Variants in ZNF786 observed in about 807,000 individuals in gnomAD.
ZNF786 encodes zinc finger protein 786.
A neutral mutation model predicts 63.1 loss-of-function variants in ZNF786; 56 were observed. The observed-to-expected ratio is 0.89, with a 90% CI of 0.72 to 1.11. The LOEUF (loss-of-function observed/expected upper bound fraction) is 1.11. Among genes scored for constraint, ZNF786 ranks in the 50% least tolerant of loss-of-function variants. ZNF786 has a pLI of 0.00. For synonymous variants in ZNF786, 485 were observed against 406.9 expected (o/e 1.19, Z -2.31); for missense variants, 1,213 against 1,041.8 (o/e 1.16, Z -2.26).
Position 149,071,235 on chromosome 7 carries a change from C to T in ZNF786, c.1537G>A (p.Glu513Lys), listed in dbSNP as rs781128838. Reference protein sequence around the residue: ...HGGERPFSCSECGRGFTHQCK... With the variant: ...HGGERPFSCSKCGRGFTHQCK... ...TGGTGGGTGAAGCCTCTGCCACACT[C>T]GCTACAGGAGAACGGCCTCTCCCCA... Residue 513 changes from glutamate (E) to lysine (K), a missense_variant, in exon 4 of 4, where the codon GAG becomes AAG. Glu to Lys is a moderately conservative substitution (Grantham distance 56). Transcript: ENST00000491431. 1.2e-5 allele frequency: 20 copies of T among 1,612,068 alleles called. No homozygotes were observed. The highest frequency in any genetic ancestry group is 6.7e-5 in the Admixed American group (4 of 60,020).
rs757197778 is a variant in ZNF786 at position 149,071,940 on chromosome 7, G to A, written c.832C>T (p.Arg278Ter). 7 of 1,610,672 alleles carry A rather than the reference G, an allele frequency of 4.3e-6. No individual in the cohort carries two copies. The highest frequency in any genetic ancestry group is 3.3e-5 in the Admixed American group (2 of 59,992). The part of the protein sequence containing the change: ...FRNADGEMCF[R>*]HELTHPSHRL... Reference sequence around the variant, plus strand: ...TGGCTGGGATGGGTCAGCTCGTGTCGGAAGCACATTTCACCGTCAGCGTTC... The same window carrying A: ...TGGCTGGGATGGGTCAGCTCGTGTCAGAAGCACATTTCACCGTCAGCGTTC... Residue 278 changes from arginine to a stop codon, truncating the protein, a stop_gained, in exon 4 of 4, where the codon CGA (arginine) becomes TGA (stop). Transcript: ENST00000491431. LOFTEE classifies it high-confidence loss of function.
chr7:149,075,431 T>C (rs950398422), intron 2 of ZNF786, among the ~76,000 whole-genome samples: 5 of 151,172 alleles, frequency 3.3e-5, no homozygotes, highest in African/African-American at 1.2e-4. Flanking sequence ...GTTTCTGAAA[T>C]GGGGTCTCAC....
chr7:149,076,274 C>G (rs1042222856), intron 2 of ZNF786, among the ~76,000 whole-genome samples: 1 of 151,670 alleles, frequency 6.6e-6, no homozygotes, highest in African/African-American at 2.4e-5. Context: ...GCCACCATAC[C>G]TGGCTAATTT....
intron 2 of ZNF786, among the ~76,000 whole-genome samples, chr7:149,078,916 A>G (rs1825608196): frequency 6.6e-6 from 1 of 152,234 alleles, no homozygotes; most frequent in Admixed American, 6.5e-5. Flanking sequence ...CACAAAAACT[A>G]TCAAAAACTG....
chr7:149,079,838 G>A (rs1178392444), intron 2 of ZNF786, among the ~76,000 whole-genome samples: 1 of 148,920 alleles, frequency 6.7e-6, no homozygotes, highest in East Asian at 2.1e-4. Context: ...CAAAGTCCTG[G>A]GATTACAGGC....
At position 149,071,616 on chromosome 7, in the gene ZNF786, T is replaced by C. The variant is rs1825419065; in HGVS notation, c.1156A>G (p.Ser386Gly). 1.3e-6 allele frequency: 2 copies of C among 1,589,520 alleles called. No individual in the cohort carries two copies. The highest frequency in any genetic ancestry group is 2.3e-5 in the East Asian group (1 of 43,862). Residue 386 changes from serine to glycine, a missense_variant, in exon 4 of 4, where the codon AGC becomes GGC. Ser to Gly is a moderately conservative substitution (Grantham distance 56). Coordinates refer to ENST00000491431, the MANE Select transcript of ZNF786 (RefSeq NM_152411.4). ...ERSPMSARLA[S>G]PCRAHTGEKP... Reference sequence around the variant, plus strand: ...TCTCCAGTATGCGCCCTGCAGGGGCTGGCGAGCCTGGCGCTCATAGGGGAG... The same window carrying C: ...TCTCCAGTATGCGCCCTGCAGGGGCCGGCGAGCCTGGCGCTCATAGGGGAG...
chr7:149,072,642 T>C (rs939577973), intron 3 of ZNF786, among the ~76,000 whole-genome samples, 169 bp from the exon 4 acceptor site: 1 of 152,036 alleles, frequency 6.6e-6, no homozygotes, highest in Non-Finnish European at 1.5e-5. Flanking sequence ...GTTTGGTGAG[T>C]CTGCTGAAAC....
Position 149,070,582 on chromosome 7 carries a change from C to A in ZNF786, c.2190G>T (p.Arg730Ser), listed in dbSNP as rs1357863636. The A allele has an allele frequency of 6.8e-6, 11 of 1,614,034 alleles. No homozygotes were observed. Among genetic ancestry groups the A allele is most frequent in the Non-Finnish European group, 9.3e-6 (11 of 1,179,906 alleles). Residue 730 changes from arginine to serine, a missense_variant, in exon 4 of 4, where the codon AGG (arginine) becomes AGT (serine). Physicochemically the swap from Arg to Ser is moderately radical, Grantham distance 110. Coordinates refer to ENST00000491431, the MANE Select transcript of ZNF786 (RefSeq NM_152411.4). The part of the protein sequence containing the change: ...LRHQRIHRPE[R>S]PFACGDCGKG... ...TCCCACAATCGCCACAGGCAAAGGG[C>A]CTCTCGGGCCTGTGGATGCGCTGGT...
intron 1 of ZNF786, among the ~76,000 whole-genome samples, chr7:149,085,675 TGCTTTGGG>T (rs1434651750): frequency 0.011 from 1,635 of 152,330 alleles, 28 homozygotes; most frequent in African/African-American, 0.038. Flanking sequence ...ATCTGGAAAC[TGCTTTGGG>T]CAGTATGGCC....
At chr7:149,072,596 C>T (rs1442394367) in intron 3 of ZNF786, 123 bp from the exon 4 acceptor site, 20 of 1,105,240 alleles carry the variant, frequency 1.8e-5, no homozygotes, top group Admixed American at 2.9e-5. Flanking sequence ...CACTGAGCTA[C>T]CCAACCATGC....
chr7:149,078,407 A>T (rs1585465963), intron 2 of ZNF786, among the ~76,000 whole-genome samples: 1 of 152,266 alleles, frequency 6.6e-6, no homozygotes, highest in Non-Finnish European at 1.5e-5. Context: ...ATGGTAGGCC[A>T]GGCACGGTGG....
Position 149,072,166 on chromosome 7 carries a change from T to G in ZNF786, c.606A>C (p.Leu202Phe), listed in dbSNP as rs377205267. ...CGESCWENNH[L>F]VMHQRGHSKD... Reference sequence around the variant, plus strand: ...TTGAGTGGCCTCTCTGGTGCATTACTAAATGGTTGTTCTCCCAACAGCTTT... The same window carrying G: ...TTGAGTGGCCTCTCTGGTGCATTACGAAATGGTTGTTCTCCCAACAGCTTT... The change falls in exon 4 of 4, where the codon TTA (leucine) becomes TTC (phenylalanine). Residue 202 changes from leucine (L) to phenylalanine (F), a missense_variant. Transcript: ENST00000491431. 3.1e-5 allele frequency: 50 copies of G among 1,613,126 alleles called. No homozygotes were observed. Among genetic ancestry groups the G allele is most frequent in the Non-Finnish European group, 4.0e-5 (47 of 1,179,740 alleles).
chr7:149,086,117 T>C (rs1225437106), intron 1 of ZNF786, among the ~76,000 whole-genome samples: 2 of 152,208 alleles, frequency 1.3e-5, no homozygotes, highest in Non-Finnish European at 2.9e-5. Flanking sequence ...TCCCATCTTT[T>C]TGTTATATTC....
chr7:149,090,713 C>T lies in ZNF786; in HGVS notation c.-73G>A. The stretch of plus-strand genomic sequence containing the variant: ...GGCTCCGCAGGAACCTGCCCTGCTG[C>T]GCACTGACTCCCCTCCGCTCCGCCC... On this transcript the variant is annotated 5_prime_UTR_variant, in exon 1 of 4. Transcript: ENST00000491431. 13 of 1,489,482 alleles carry T rather than the reference C, an allele frequency of 8.7e-6. No homozygotes were observed. Among genetic ancestry groups the T allele is most frequent in the Non-Finnish European group, 1.1e-5 (12 of 1,108,668 alleles). The allele number at this position is 1,489,482 out of a possible 1,614,324, so 92.3% of individuals were successfully genotyped here.
rs1367060265 is a variant in ZNF786 at position 149,090,706 on chromosome 7, C to T, written c.-66G>A. The T allele has an allele frequency of 3.9e-6, 6 of 1,526,872 alleles. 1 individual carries two copies. Among genetic ancestry groups the T allele is most frequent in the East Asian group, 2.5e-5 (1 of 39,408 alleles). 94.6% of individuals were successfully genotyped at this position (1,526,872 alleles called of 1,614,324 possible). A position where few individuals can be genotyped will look rare whatever the true frequency, so the allele number is the denominator to read the frequency against. ...CTCCGGCGGCTCCGCAGGAACCTGC[C>T]CTGCTGCGCACTGACTCCCCTCCGC... On this transcript the variant is annotated 5_prime_UTR_variant, in exon 1 of 4. Coordinates refer to ENST00000491431, the MANE Select transcript of ZNF786 (RefSeq NM_152411.4).
At position 149,070,939 on chromosome 7, in the gene ZNF786, AT is replaced by A; in HGVS notation, c.1832del (p.His611LeufsTer22). ...GCCTCTCTCCCGTGTGCAGGCGCTG[AT>A]GGCTGAGCAGCTGCCCCTTCAGGCG... Reference protein sequence around the residue: ...SFRLKGQLLSHQRLHTGERPF... With the variant: ...SFRLKGQLLSXQRLHTGERPF... On this transcript the variant is annotated frameshift_variant, in exon 4 of 4. Transcript: ENST00000491431. LOFTEE classifies it high-confidence loss of function. 1 of 1,612,146 alleles carries A rather than the reference AT, an allele frequency of 6.2e-7. No individual in the cohort carries two copies. Among genetic ancestry groups the A allele is most frequent in the African/African-American group, 1.3e-5 (1 of 74,358 alleles).
At position 149,071,485 on chromosome 7, in the gene ZNF786, C is replaced by G; in HGVS notation, c.1287G>C (p.Lys429Asn). ...ACTGCTTGGCGAAGCCCTTGCCACA[C>G]TTCCTGCAGGAGAACGGTCTCTCCC... is the stretch of plus-strand genomic sequence containing the variant. ...HGGERPFSCR[K>N]CGKGFAKQCK... The change falls in exon 4 of 4, where the codon AAG (lysine) becomes AAC (asparagine). Residue 429 changes from lysine (K) to asparagine (N), a missense_variant. Coordinates refer to ENST00000491431, the MANE Select transcript of ZNF786 (RefSeq NM_152411.4). 1 of 1,613,404 alleles carries G rather than the reference C, an allele frequency of 6.2e-7. No individual in the cohort carries two copies. The highest frequency in any genetic ancestry group is 8.5e-7 in the Non-Finnish European group (1 of 1,179,876).
rs374141655 is a variant in ZNF786, at chr7:149,089,684, G to T, written c.18+939C>A. The stretch of plus-strand genomic sequence containing the variant: ...AATTTATTTTCAGGTCTGTGATTTG[G>T]CTGTTTATATCCTTTCCCCATATAT... On this transcript the variant is annotated intron_variant, in intron 1 of 3. Transcript: ENST00000491431. 5.3e-5 allele frequency among the ~76,000 whole-genome samples: 8 copies of T among 151,682 alleles called. No homozygotes were observed. The East Asian group carries it at 9.8e-4, about 19-fold the overall frequency.
intron 2 of ZNF786, among the ~76,000 whole-genome samples, chr7:149,077,423 C>T (rs1200420344): frequency 2.0e-5 from 3 of 150,948 alleles, no homozygotes; most frequent in South Asian, 2.1e-4. Context: ...GTCAGCAGAT[C>T]GAGACCATCC....
Sources: gnomAD v4.1 joint callset for allele counts (sites outside exome capture counted in the v4.1 genomes callset) on GRCh38, gnomAD v4.1.1 for gene constraint, MANE v1.5 for transcripts, NCBI Gene and HGNC (gene_info 2026-07-23, HGNC 2026-07-21) for gene names.